ADRA1D: variants seen among roughly 807,000 people sequenced by gnomAD.
ADRA1D encodes adrenoceptor alpha 1D, also known as alpha-1D adrenergic receptor.
A neutral mutation model predicts 18.6 loss-of-function variants in ADRA1D; 22 were observed. The observed-to-expected ratio is 1.19, with a 90% confidence interval of 0.85 to 1.69. The LOEUF (loss-of-function observed/expected upper bound fraction) is 1.69. Ranked by LOEUF, ADRA1D falls within the 40% of genes most tolerant of loss-of-function variation. The pLI is 0.00. For synonymous variants in ADRA1D, 376 were observed against 388.2 expected (o/e 0.97, Z 0.37); for missense variants, 840 against 840.7 (o/e 1.00, Z 0.01).
At chr20:4,227,753 C>CCTTCT (rs1232124660) in intron 1 of ADRA1D, among the ~76,000 whole-genome samples, 1 of 82,964 alleles carries the variant, frequency 1.2e-5, no homozygotes, top group African/African-American at 5.0e-5. Context: ...CTTCCTTCTT[C>CCTTCT]TCTCTCTCTC....
At chr20:4,242,681 T>C (rs1350308997) in intron 1 of ADRA1D, among the ~76,000 whole-genome samples, 1 of 152,142 alleles carries the variant, frequency 6.6e-6, no homozygotes, top group African/African-American at 2.4e-5. Flanking sequence ...GCCCAGCTTG[T>C]ATGCCTTGAG....
At position 4,248,745 on chromosome 20, in the gene ADRA1D, C is replaced by T; in HGVS notation, c.213G>A (p.Glu71=). The part of the protein sequence containing the change: ...SGEDNRSSAG[E]PGSAGAGGDV... ...CGCCGCCCGCGCCCGCGCTCCCCGG[C>T]TCCCCCGCGGAGCTCCGGTTGTCCT... Residue 71 remains glutamate (E), a synonymous_variant, in exon 1 of 2, where the codon GAG becomes GAA. Transcript: ENST00000379453. The T allele has an allele frequency of 2.0e-6, 3 of 1,526,966 alleles. No individual in the cohort carries two copies. The highest frequency in any genetic ancestry group is 8.8e-7 in the Non-Finnish European group (1 of 1,136,520). 94.6% of individuals were successfully genotyped at this position (1,526,966 alleles called of 1,614,324 possible). A position where few individuals can be genotyped will look rare whatever the true frequency, so the allele number is the denominator to read the frequency against.
In ADRA1D at chr20:4,222,071, C is replaced by T. The variant is rs1174103344; in HGVS notation, c.1171G>A (p.Gly391Ser). The T allele has an allele frequency of 9.3e-6, 15 of 1,612,806 alleles. No homozygotes were observed. In the East Asian group the frequency reaches 1.8e-4, roughly 19 times the overall value. The change falls in exon 2 of 2, where the codon GGC (glycine) becomes AGC (serine). Residue 391 changes from glycine (G) to serine (S), a missense_variant. Gly to Ser is a moderately conservative substitution (Grantham distance 56, BLOSUM62 0). Coordinates refer to ENST00000379453, the MANE Select transcript of ADRA1D (RefSeq NM_000678.4). This position sits in a 1 kb window ranked among gnomAD's most constrained non-coding sequence, Gnocchi z 4.3. Reference protein sequence around the residue: ...EGVFKVIFWLGYFNSCVNPLI... With the variant: ...EGVFKVIFWLSYFNSCVNPLI... ...GGGTTCACGCAGCTGTTGAAGTAGC[C>T]GAGCCAGAAGATGACCTTGAAGACG... is the stretch of plus-strand genomic sequence containing the variant.
At chr20:4,243,345 TC>T (rs1202671959) in intron 1 of ADRA1D, among the ~76,000 whole-genome samples, 71 of 86,254 alleles carry the variant, frequency 8.2e-4, no homozygotes, top group Admixed American at 8.1e-3. Flanking sequence ...TCTGGGCTCC[TC>T]GGGGCATCCG....
At chr20:4,232,528 G>A (rs79601367) in intron 1 of ADRA1D, among the ~76,000 whole-genome samples, 4,261 of 152,300 alleles carry the variant, frequency 0.028, 91 homozygotes, top group Middle Eastern at 0.054. Context: ...CAGAAGGGCT[G>A]GGGTGGGGCT....
chr20:4,238,048 G>A (rs927366320), intron 1 of ADRA1D, among the ~76,000 whole-genome samples: 1 of 146,722 alleles, frequency 6.8e-6, no homozygotes, highest in South Asian at 2.4e-4. Context: ...AGGAGTTTGA[G>A]ACCAGCCTGG....
At chr20:4,229,620 G>A (rs1048174324) in intron 1 of ADRA1D, among the ~76,000 whole-genome samples, 5 of 152,054 alleles carry the variant, frequency 3.3e-5, no homozygotes, top group African/African-American at 9.7e-5. Flanking sequence ...AGGTGGCTCC[G>A]GTATGTTTGT....
intron 1 of ADRA1D, among the ~76,000 whole-genome samples, chr20:4,224,993 G>GTTT (rs562415272): frequency 0.011 from 1,336 of 120,026 alleles, 40 homozygotes; most frequent in East Asian, 0.087. Flanking sequence ...GGCCATCTAA[G>GTTT]TTTTTTTTTT....
rs1981426605 is a variant in ADRA1D at position 4,248,830 on chromosome 20, A to G, written c.128T>C (p.Val43Ala). 1.0e-6 allele frequency: 1 copy of G among 1,001,290 alleles called. No individual in the cohort carries two copies. Among genetic ancestry groups the G allele is most frequent in the African/African-American group, 1.8e-5 (1 of 54,910 alleles). 62.0% of individuals were successfully genotyped at this position (1,001,290 alleles called of 1,614,324 possible). A position where few individuals can be genotyped will look rare whatever the true frequency, so the allele number is the denominator to read the frequency against. ...GGAAPSEGPA[V>A]GGVPGGAGGG... Reference sequence around the variant, plus strand: ...GCCCGCGCCCCCCGGCACGCCGCCCACCGCCGGGCCCTCCGAGGGGGCCGC... The same window carrying G: ...GCCCGCGCCCCCCGGCACGCCGCCCGCCGCCGGGCCCTCCGAGGGGGCCGC... The change falls in exon 1 of 2, where the codon GTG becomes GCG. Residue 43 changes from valine to alanine, a missense_variant. Physicochemically the swap from Val to Ala is moderately conservative, Grantham distance 64. Coordinates refer to ENST00000379453, the MANE Select transcript of ADRA1D (RefSeq NM_000678.4).
intron 1 of ADRA1D, among the ~76,000 whole-genome samples, chr20:4,230,718 T>C (rs1980933382): frequency 6.6e-6 from 1 of 152,230 alleles, no homozygotes; most frequent in Non-Finnish European, 1.5e-5. Context: ...ACACAACGTT[T>C]CTAGGGCCAG....
chr20:4,233,537 C>T (rs1193569120), intron 1 of ADRA1D, among the ~76,000 whole-genome samples: 1 of 151,904 alleles, frequency 6.6e-6, no homozygotes, highest in African/African-American at 2.4e-5. Flanking sequence ...CACCTAGCAC[C>T]ATGAGATCTG....
Position 4,248,961 on chromosome 20 carries a change from A to T in ADRA1D, c.-4T>A. The T allele has an allele frequency of 7.4e-7, 1 of 1,351,214 alleles. No homozygotes were observed. Among genetic ancestry groups the T allele is most frequent in the Non-Finnish European group, 9.6e-7 (1 of 1,040,134 alleles). The allele number at this position is 1,351,214 out of a possible 1,614,324, so 83.7% of individuals were successfully genotyped here. A position where few individuals can be genotyped will look rare whatever the true frequency, so the allele number is the denominator to read the frequency against. ...TCAGGAGATCGCGGAAAGTCATCTC[A>T]ACGCGCGGCCGTCGGTGGCCGGGCC... On this transcript the variant is annotated 5_prime_UTR_variant, in exon 1 of 2. It removes the in-frame stop codon of an upstream open reading frame in the 5' UTR. Transcript: ENST00000379453.
intron 1 of ADRA1D, among the ~76,000 whole-genome samples, chr20:4,234,850 C>A (rs2122666814): frequency 6.6e-6 from 1 of 152,316 alleles, no homozygotes; most frequent in South Asian, 2.1e-4. Flanking sequence ...AGAGCATGTG[C>A]AAAGGCCCTG....
At chr20:4,227,702 C>CTCT (rs1980839077) in intron 1 of ADRA1D, among the ~76,000 whole-genome samples, 1 of 51,696 alleles carries the variant, frequency 1.9e-5, no homozygotes, top group Non-Finnish European at 3.9e-5. Context: ...CTCCCTCCCT[C>CTCT]CCTCCTTCCT....
Position 4,222,045 on chromosome 20 carries a change from CGGG to C in ADRA1D, c.1194_1196del (p.Asn398_Pro399delinsLys). ...CGCGGCTGGAACAGGGGTAGATGAG[CGGG>C]TTCACGCAGCTGTTGAAGTAGCCGA... is the stretch of plus-strand genomic sequence containing the variant. On this transcript the variant is annotated inframe_deletion, in exon 2 of 2. Coordinates refer to ENST00000379453, the MANE Select transcript of ADRA1D (RefSeq NM_000678.4). The surrounding 1 kb of genome is among the most constrained non-coding windows in gnomAD (Gnocchi z 4.3). The C allele has an allele frequency of 6.2e-7, 1 of 1,611,562 alleles. No individual in the cohort carries two copies.
At position 4,248,485 on chromosome 20, in the gene ADRA1D, A is replaced by G. The variant is rs1277120331; in HGVS notation, c.473T>C (p.Val158Ala). Residue 158 changes from valine to alanine, a missense_variant, in exon 1 of 2, where the codon GTT becomes GCT. Transcript: ENST00000379453. The stretch of plus-strand genomic sequence containing the variant: ...GCGGCCAAAGGCCCAGAAGCCCAGA[A>G]CCTCCATGGTGGCCGAGAAGGGCAG... ...TVLPFSATME[V>A]LGFWAFGRAF... The G allele has an allele frequency of 6.2e-7, 1 of 1,613,524 alleles. No individual in the cohort carries two copies. Among genetic ancestry groups the G allele is most frequent in the South Asian group, 1.1e-5 (1 of 91,012 alleles).
At position 4,232,898 on chromosome 20, in the gene ADRA1D, C is replaced by A. The variant is rs188065484; in HGVS notation, c.1112-10768G>T. On this transcript the variant is annotated intron_variant, in intron 1 of 1. Coordinates refer to ENST00000379453, the MANE Select transcript of ADRA1D (RefSeq NM_000678.4). ...GTTCTGCCTTTCTTGCCCCAGGGATCCCTGTGGGGTCGGGCTAAGGCCAAG... is the reference window on the plus strand; with the variant it reads ...GTTCTGCCTTTCTTGCCCCAGGGATACCTGTGGGGTCGGGCTAAGGCCAAG... Among the ~76,000 whole-genome samples the A allele has an allele frequency of 3.7e-4, 56 of 152,324 alleles. 1 individual carries two copies. In the East Asian group the frequency reaches 0.011, roughly 29 times the overall value.
intron 1 of ADRA1D, among the ~76,000 whole-genome samples, chr20:4,245,908 T>C (rs59742912): frequency 0.069 from 10,449 of 152,230 alleles, 598 homozygotes; most frequent in East Asian, 0.31. Context: ...TGCAACAACC[T>C]TTGGCTGGAT....
chr20:4,243,582 G>A (rs1209638604), intron 1 of ADRA1D, among the ~76,000 whole-genome samples: 2 of 152,116 alleles, frequency 1.3e-5, no homozygotes, highest in Non-Finnish European at 2.9e-5. Context: ...CTATCCCACC[G>A]GTCACAGGCA....
Sources: allele counts gnomAD v4.1 joint callset (sites outside exome capture counted in the v4.1 genomes callset), GRCh38; gene constraint gnomAD v4.1.1; non-coding constraint Gnocchi (gnomAD v3.1); transcripts MANE v1.5; gene names NCBI Gene and HGNC (gene_info 2026-07-23, HGNC 2026-07-21).